The following OXR1 variants were observed in gnomAD, a reference collection of about 807,000 sequenced individuals.
The protein encoded by OXR1 is oxidation resistance 1, also known as oxidation resistance protein 1.
Under a neutral mutation model 104.6 loss-of-function variants are expected in OXR1, and 41 were observed. That is an observed-to-expected ratio of 0.39 (90% CI 0.31 to 0.51). The LOEUF (loss-of-function observed/expected upper bound fraction) is 0.51. OXR1 is among the 20% of genes least tolerant of loss of function. OXR1 has a pLI of 0.77. For synonymous variants in OXR1, 348 were observed against 348.4 expected (o/e 1.00, Z 0.01); for missense variants, 955 against 1,031.9 (o/e 0.93, Z 1.02).
intron 3 of OXR1, among the ~76,000 whole-genome samples, chr8:106,553,530 G>A (rs1202199766): frequency 6.6e-6 from 1 of 151,920 alleles, no homozygotes; most frequent in African/African-American, 2.4e-5. Flanking sequence ...ATGTTGCCCA[G>A]GTTGGTCTTG....
intron 6 of OXR1, among the ~76,000 whole-genome samples, chr8:106,685,880 G>A (rs1283792195): frequency 1.3e-5 from 2 of 152,006 alleles, no homozygotes; most frequent in Admixed American, 6.6e-5. Flanking sequence ...CACCCCAAAT[G>A]CCCATCAATC....
At chr8:106,378,797 C>T (rs1817011470) in intron 2 of OXR1, among the ~76,000 whole-genome samples, 1 of 152,182 alleles carries the variant, frequency 6.6e-6, no homozygotes, top group Non-Finnish European at 1.5e-5. Context: ...GTGTGAGCCA[C>T]CATGCCCGGC....
At chr8:106,548,631 C>T (rs1025149070) in intron 3 of OXR1, among the ~76,000 whole-genome samples, 2 of 152,146 alleles carry the variant, frequency 1.3e-5, no homozygotes, top group African/African-American at 2.4e-5. Flanking sequence ...TCTTGCTCAA[C>T]AATAAATTAT....
At chr8:106,667,829 G>T (rs930283790) in intron 3 of OXR1, among the ~76,000 whole-genome samples, 1 of 152,058 alleles carries the variant, frequency 6.6e-6, no homozygotes, top group East Asian at 1.9e-4. Flanking sequence ...GCCAAGTAAT[G>T]TACATCACTT....
chr8:106,274,217 TC>T (rs766668182), intron 1 of OXR1, among the ~76,000 whole-genome samples: 4 of 152,222 alleles, frequency 2.6e-5, no homozygotes, highest in Admixed American at 6.5e-5. Flanking sequence ...ATCAAGCCTT[TC>T]GATTCCGTAG....
chr8:106,657,791 C>T, intron 3 of OXR1: 1 of 1,209,172 alleles, frequency 8.3e-7, no homozygotes, highest in Non-Finnish European at 1.0e-6. Context: ...TTTGCTCCCC[C>T]GACGCGTGGT....
chr8:106,274,434 T>A (rs1216220862), intron 1 of OXR1, among the ~76,000 whole-genome samples: 2 of 152,204 alleles, frequency 1.3e-5, no homozygotes. Context: ...TTTTTGTTAT[T>A]GGTTTGTTTC....
chr8:106,331,846 G>C (rs950575754), intron 1 of OXR1, among the ~76,000 whole-genome samples: 3 of 151,866 alleles, frequency 2.0e-5, no homozygotes, highest in Non-Finnish European at 4.4e-5. Context: ...AGGCTGAGGC[G>C]TGAGAATGAT....
chr8:106,343,750 C>T (rs1345179912), intron 1 of OXR1, among the ~76,000 whole-genome samples: 1 of 152,134 alleles, frequency 6.6e-6, no homozygotes, highest in African/African-American at 2.4e-5. Context: ...AGTAGGAAAG[C>T]GACTACTTAT....
At chr8:106,543,460 T>C (rs1815115190) in intron 3 of OXR1, among the ~76,000 whole-genome samples, 1 of 152,102 alleles carries the variant, frequency 6.6e-6, no homozygotes, top group African/African-American at 2.4e-5. Context: ...TCTTTAAAAT[T>C]TTATGAAAAG....
chr8:106,625,824 A>G (rs1464556929), intron 3 of OXR1, among the ~76,000 whole-genome samples: 1 of 152,216 alleles, frequency 6.6e-6, no homozygotes, highest in East Asian at 1.9e-4. Flanking sequence ...GAAGTGAGCT[A>G]TAGTTACTTT....
At chr8:106,718,873 T>A (rs1166899880) in intron 11 of OXR1, among the ~76,000 whole-genome samples, 1 of 151,060 alleles carries the variant, frequency 6.6e-6, no homozygotes, top group African/African-American at 2.4e-5. Context: ...CTGAATTAAT[T>A]GCGTCAACAT....
At chr8:106,465,398 C>T (rs1233773187) in intron 2 of OXR1, among the ~76,000 whole-genome samples, 2 of 151,964 alleles carry the variant, frequency 1.3e-5, no homozygotes, top group Admixed American at 1.3e-4. Flanking sequence ...TAGTTCATTG[C>T]AGAGACTTTC....
intron 2 of OXR1, among the ~76,000 whole-genome samples, chr8:106,400,950 A>G (rs558757761): frequency 6.6e-6 from 1 of 152,336 alleles, no homozygotes; most frequent in Non-Finnish European, 1.5e-5. Flanking sequence ...CTGTTAGTAC[A>G]TATTATGGTG....
chr8:106,597,408 G>C (rs1304578348), intron 3 of OXR1, among the ~76,000 whole-genome samples: 1 of 152,150 alleles, frequency 6.6e-6, no homozygotes, highest in Non-Finnish European at 1.5e-5. Context: ...AGAATCATGA[G>C]AAATAGATTT....
intron 2 of OXR1, among the ~76,000 whole-genome samples, chr8:106,370,220 A>T (rs1442202121): frequency 5.3e-5 from 8 of 152,048 alleles, no homozygotes; most frequent in Non-Finnish European, 1.2e-4. Context: ...GGTGTAAAGG[A>T]ATGCTTTTGA....
chr8:106,294,799 A>T (rs1433392915), intron 1 of OXR1, among the ~76,000 whole-genome samples: 1 of 152,188 alleles, frequency 6.6e-6, no homozygotes, highest in Non-Finnish European at 1.5e-5. Flanking sequence ...GCCAAACCAT[A>T]TCACAGGGTA....
chr8:106,324,160 C>A (rs554972738), intron 1 of OXR1, among the ~76,000 whole-genome samples: 1 of 152,254 alleles, frequency 6.6e-6, no homozygotes, highest in African/African-American at 2.4e-5. Flanking sequence ...TACATAGACA[C>A]CATGGAATAC....
intron 1 of OXR1, among the ~76,000 whole-genome samples, chr8:106,318,015 G>A (rs1157924524): frequency 6.6e-6 from 1 of 152,068 alleles, no homozygotes; most frequent in African/African-American, 2.4e-5. Context: ...TATTCCTAAT[G>A]ACCATGACAG....
Sources: allele counts gnomAD v4.1 joint callset (sites outside exome capture counted in the v4.1 genomes callset), GRCh38; gene constraint gnomAD v4.1.1; transcripts MANE v1.5; gene names NCBI Gene and HGNC (gene_info 2026-07-23, HGNC 2026-07-21).